LYPLAL1: variants seen among roughly 807,000 people sequenced by gnomAD.
The protein encoded by LYPLAL1 is lysophospholipase-like protein 1.
A neutral mutation model predicts 19.7 loss-of-function variants in LYPLAL1; 23 were observed. The observed-to-expected ratio is 1.17, with a 90% CI of 0.84 to 1.65. The LOEUF (loss-of-function observed/expected upper bound fraction) is 1.65. Ranked by LOEUF, LYPLAL1 falls within the 40% of genes most tolerant of loss-of-function variation. The pLI is 0.00. For synonymous variants in LYPLAL1, 119 were observed against 96.3 expected, an observed-to-expected ratio of 1.24 and a Z score of -1.38; for missense variants, 355 against 279.4, an observed-to-expected ratio of 1.27 and a Z score of -1.93.
At chr1:219,224,064 C>T in the LYPLAL1 span, among the ~76,000 whole-genome samples, 1 of 152,162 alleles carries the variant, frequency 6.6e-6, no homozygotes, top group Non-Finnish European at 1.5e-5. Context: ...ATTTTGGCAA[C>T]TTCTGCTATG....
the LYPLAL1 span, among the ~76,000 whole-genome samples, chr1:219,422,649 A>G: frequency 4.4e-4 from 67 of 152,310 alleles, no homozygotes; most frequent in African/African-American, 1.5e-3. Context: ...TAATAATGGG[A>G]GAGCAAAAAC....
At chr1:219,221,731 A>G in the LYPLAL1 span, among the ~76,000 whole-genome samples, 1 of 152,302 alleles carries the variant, frequency 6.6e-6, no homozygotes, top group South Asian at 2.1e-4. Flanking sequence ...GTGTAACTCA[A>G]AGGAATCATT....
the LYPLAL1 span, among the ~76,000 whole-genome samples, chr1:219,264,952 AT>A: frequency 2.6e-5 from 4 of 152,236 alleles, no homozygotes; most frequent in Non-Finnish European, 4.4e-5. Flanking sequence ...CTTTTTAAAA[AT>A]ATCTAATTTA....
the LYPLAL1 span, among the ~76,000 whole-genome samples, chr1:219,421,853 C>T: frequency 2.6e-5 from 4 of 152,162 alleles, no homozygotes; most frequent in South Asian, 2.1e-4. Flanking sequence ...GAAAACCTTA[C>T]GAAGTTAAAG....
the LYPLAL1 span, among the ~76,000 whole-genome samples, chr1:219,258,586 C>T: frequency 6.6e-6 from 1 of 152,140 alleles, no homozygotes; most frequent in East Asian, 1.9e-4. Context: ...TGAATCTTGA[C>T]AGTTTTTATC....
chr1:219,222,433 G>C, the LYPLAL1 span: 1 of 152,112 alleles, frequency 6.6e-6, no homozygotes, highest in Admixed American at 6.5e-5. Flanking sequence ...AAATCTCCCT[G>C]AGAGGGCCAA....
the LYPLAL1 span, among the ~76,000 whole-genome samples, chr1:219,400,126 G>A: frequency 5.3e-5 from 8 of 152,054 alleles, no homozygotes; most frequent in Middle Eastern, 3.2e-3. Context: ...GCACAGTATC[G>A]TCGTGCGGGG....
At chr1:219,273,253 G>C in the LYPLAL1 span, 1 of 152,168 alleles carries the variant, frequency 6.6e-6, no homozygotes, top group South Asian at 2.1e-4. Context: ...TAACTTACTT[G>C]ACACAACTGC....
chr1:219,427,390 GC>G, the LYPLAL1 span, among the ~76,000 whole-genome samples: 1 of 152,276 alleles, frequency 6.6e-6, no homozygotes, highest in East Asian at 1.9e-4. Context: ...TTGTGTGTGA[GC>G]TTTTGAATTT....
the LYPLAL1 span, among the ~76,000 whole-genome samples, chr1:219,299,645 A>G: frequency 1.3e-5 from 2 of 152,182 alleles, no homozygotes; most frequent in Non-Finnish European, 2.9e-5. Flanking sequence ...GGAATGTCTG[A>G]CTGTAAAGTT....
the LYPLAL1 span, chr1:219,271,783 T>G: frequency 1.3e-5 from 2 of 152,210 alleles, no homozygotes; most frequent in South Asian, 4.1e-4. Flanking sequence ...TCTAGTATCT[T>G]GAATGAGGTA....
chr1:219,360,586 G>C, the LYPLAL1 span, among the ~76,000 whole-genome samples: 3 of 152,144 alleles, frequency 2.0e-5, no homozygotes, highest in African/African-American at 7.2e-5. Context: ...TAGAGTAAAT[G>C]AAAGGGCCAG....
At chr1:219,263,382 G>A in the LYPLAL1 span, among the ~76,000 whole-genome samples, 1 of 152,158 alleles carries the variant, frequency 6.6e-6, no homozygotes, top group African/African-American at 2.4e-5. Context: ...CAGGCAGCCT[G>A]CATGCAGGGC....
At chr1:219,176,902 A>G (rs1198377085) in intron 1 of LYPLAL1, among the ~76,000 whole-genome samples, 1 of 152,250 alleles carries the variant, frequency 6.6e-6, no homozygotes, top group African/African-American at 2.4e-5. Flanking sequence ...CTGATCATAC[A>G]GCAATGAAAA....
At chr1:219,222,086 C>G in the LYPLAL1 span, among the ~76,000 whole-genome samples, 1 of 152,100 alleles carries the variant, frequency 6.6e-6, no homozygotes, top group African/African-American at 2.4e-5. Flanking sequence ...TCAAAATATT[C>G]AATAGATGTA....
chr1:219,217,379 G>GGTGTGT (rs371579948), downstream of LYPLAL1, among the ~76,000 whole-genome samples: 783 of 134,128 alleles, frequency 5.8e-3, 9 homozygotes, highest in African/African-American at 0.017. Context: ...TGCCAGGTTT[G>GGTGTGT]GTGTGTGTGT....
chr1:219,393,204 G>C, the LYPLAL1 span, among the ~76,000 whole-genome samples: 21 of 152,282 alleles, frequency 1.4e-4, no homozygotes, highest in African/African-American at 4.6e-4. Flanking sequence ...TGAACAGATG[G>C]CCATGAAGAG....
At chr1:219,375,793 G>C in the LYPLAL1 span, among the ~76,000 whole-genome samples, 4 of 149,576 alleles carry the variant, frequency 2.7e-5, no homozygotes, top group South Asian at 2.1e-4. Flanking sequence ...CCAGGCTGGA[G>C]TACAGTGGCG....
chr1:219,201,146 A>G (rs528860649), intron 3 of LYPLAL1, among the ~76,000 whole-genome samples: 1 of 152,354 alleles, frequency 6.6e-6, no homozygotes, highest in Non-Finnish European at 1.5e-5. Flanking sequence ...GTACACAGGA[A>G]GTGGTAACTA....
Sources: allele counts gnomAD v4.1 joint callset (sites outside exome capture counted in the v4.1 genomes callset), GRCh38; gene constraint gnomAD v4.1.1; transcripts MANE v1.5; gene names NCBI Gene and HGNC (gene_info 2026-07-23, HGNC 2026-07-21).